Variants in PLXDC2 observed in about 807,000 individuals in gnomAD.
The protein encoded by PLXDC2 is plexin domain containing 2.
A neutral mutation model predicts 68.9 loss-of-function variants in PLXDC2; 40 were observed. The observed-to-expected ratio is 0.58, with a 90% CI of 0.45 to 0.76. The LOEUF (loss-of-function observed/expected upper bound fraction) is 0.76. Among genes scored for constraint, PLXDC2 ranks in the 30% least tolerant of loss-of-function variants. The probability of loss-of-function intolerance (pLI) is 0.00; values close to 1 mark genes in which losing one functional copy is unlikely to be tolerated. For missense variants in PLXDC2, 644 were observed against 661.9 expected (o/e 0.97, Z 0.30); for synonymous variants, 243 against 234.2 (o/e 1.04, Z -0.34).
At chr10:19,828,910 G>T (rs1307583384) in intron 1 of PLXDC2, among the ~76,000 whole-genome samples, 1 of 152,040 alleles carries the variant, frequency 6.6e-6, no homozygotes, top group East Asian at 1.9e-4. Context: ...AAGTTGCCCT[G>T]CTGGAACCCA....
At chr10:19,942,864 T>G (rs892879456) in intron 1 of PLXDC2, among the ~76,000 whole-genome samples, 1 of 152,202 alleles carries the variant, frequency 6.6e-6, no homozygotes, top group African/African-American at 2.4e-5. Context: ...CTGGTGTATA[T>G]TATATCGTTT....
At chr10:20,126,586 T>G (rs188168301) in intron 4 of PLXDC2, among the ~76,000 whole-genome samples, 3 of 2,204 alleles carry the variant, frequency 1.4e-3, no homozygotes, top group Admixed American at 7.5e-3. Flanking sequence ...TATGTATATA[T>G]AACACACACG....
At chr10:20,198,327 C>T (rs997931547) in intron 9 of PLXDC2, among the ~76,000 whole-genome samples, 23 of 152,086 alleles carry the variant, frequency 1.5e-4, no homozygotes, top group Non-Finnish European at 2.4e-4. Flanking sequence ...CATCTAAACC[C>T]CCAGCAAATA....
intron 1 of PLXDC2, among the ~76,000 whole-genome samples, chr10:19,965,301 AAGG>A (rs1018341447): frequency 1.3e-5 from 2 of 152,132 alleles, no homozygotes; most frequent in African/African-American, 4.8e-5. Flanking sequence ...ACACTTTGAG[AAGG>A]AGTTCTACCA....
chr10:20,226,517 C>A (rs574661016), intron 12 of PLXDC2, among the ~76,000 whole-genome samples: 1 of 152,068 alleles, frequency 6.6e-6, no homozygotes, highest in South Asian at 2.1e-4. Flanking sequence ...CACTTTTGAC[C>A]CAGAAAGGTT....
At chr10:20,255,651 C>T (rs56944355) in intron 13 of PLXDC2, among the ~76,000 whole-genome samples, 37,654 of 151,816 alleles carry the variant, frequency 0.25, 4,844 homozygotes, top group African/African-American at 0.31. Context: ...TTTATTATTA[C>T]GGCATATTCT....
In PLXDC2 at chr10:20,177,350, T is replaced by C; in HGVS notation, c.1002T>C (p.Cys334=). The change falls in exon 9 of 14, where the codon TGT becomes TGC. Residue 334 remains cysteine (C), a synonymous_variant. Coordinates refer to ENST00000377252, the MANE Select transcript of PLXDC2 (RefSeq NM_032812.9). ...TAGCATGCCTCCAGTTTAACAGATG[T>C]GGCCCCTGTGTATCTTCTCAGATTG... The part of the protein sequence containing the change: ...PLPTCLQFNR[C]GPCVSSQIGF... 1.2e-6 allele frequency: 2 copies of C among 1,605,918 alleles called. No individual in the cohort carries two copies. The highest frequency in any genetic ancestry group is 1.7e-5 in the Admixed American group (1 of 59,958).
chr10:20,035,699 T>G (rs2358661), intron 2 of PLXDC2, among the ~76,000 whole-genome samples: 3 of 151,762 alleles, frequency 2.0e-5, no homozygotes, highest in Admixed American at 1.3e-4. Context: ...CTGTCTAAAA[T>G]AAATAAATAA....
intron 3 of PLXDC2, among the ~76,000 whole-genome samples, chr10:20,063,786 G>A (rs561701193): frequency 6.0e-4 from 91 of 152,134 alleles, no homozygotes; most frequent in Non-Finnish European, 1.1e-3. Flanking sequence ...TGGCCTTAAG[G>A]CACAGTCATA....
chr10:19,819,987 A>G (rs1482999037), intron 1 of PLXDC2, among the ~76,000 whole-genome samples: 1 of 152,248 alleles, frequency 6.6e-6, no homozygotes, highest in Non-Finnish European at 1.5e-5. Context: ...TTATCAATCA[A>G]TGACTTGAGG....
At chr10:20,255,512 T>C (rs1286202968) in intron 13 of PLXDC2, among the ~76,000 whole-genome samples, 1 of 152,142 alleles carries the variant, frequency 6.6e-6, no homozygotes, top group African/African-American at 2.4e-5. Flanking sequence ...TAATAAAAAC[T>C]TTAATTTTAG....
intron 4 of PLXDC2, among the ~76,000 whole-genome samples, chr10:20,093,614 G>GT (rs1390902134): frequency 6.6e-6 from 1 of 152,100 alleles, no homozygotes; most frequent in Non-Finnish European, 1.5e-5. Flanking sequence ...TAGTTTATAC[G>GT]TAAGTTACCA....
chr10:20,272,461 T>G (rs1418675620), intron 13 of PLXDC2, among the ~76,000 whole-genome samples: 9 of 152,030 alleles, frequency 5.9e-5, no homozygotes, highest in African/African-American at 1.7e-4. Flanking sequence ...AAAAAAAAAT[T>G]CAAGAAAGAG....
intron 6 of PLXDC2, among the ~76,000 whole-genome samples, chr10:20,154,297 G>T (rs941045785): frequency 6.6e-6 from 1 of 152,290 alleles, no homozygotes; most frequent in East Asian, 1.9e-4. Context: ...GGGTACGGTG[G>T]CTCACGCCTG....
At chr10:19,954,617 A>C (rs1233749184) in intron 1 of PLXDC2, among the ~76,000 whole-genome samples, 1 of 152,186 alleles carries the variant, frequency 6.6e-6, no homozygotes, top group Non-Finnish European at 1.5e-5. Context: ...AATTTAAATG[A>C]ATTATTTCGG....
intron 4 of PLXDC2, among the ~76,000 whole-genome samples, chr10:20,095,244 A>T (rs1833334738): frequency 6.6e-6 from 1 of 152,200 alleles, no homozygotes; most frequent in Non-Finnish European, 1.5e-5. Context: ...AGTTTAAACT[A>T]GTTACATTTC....
chr10:20,166,225 T>C (rs889415546), intron 7 of PLXDC2, among the ~76,000 whole-genome samples: 1 of 152,244 alleles, frequency 6.6e-6, no homozygotes, highest in South Asian at 2.1e-4. Flanking sequence ...AAGGGTTATC[T>C]TACAACCGTA....
In PLXDC2 at chr10:19,899,498, T is replaced by C. The variant is rs552164703; in HGVS notation, c.112+82307T>C. On this transcript the variant is annotated intron_variant, in intron 1 of 13. Transcript: ENST00000377252. ...CAAAATTAATGCAGGATTTTTTGAT[T>C]GCACGTATTATATGAGAATAAATAC... Among the ~76,000 whole-genome samples, 93 of 152,322 alleles carry C rather than the reference T, an allele frequency of 6.1e-4. 1 individual carries two copies. The highest frequency in any genetic ancestry group is 2.1e-3 in the African/African-American group (88 of 41,582).
At chr10:20,239,402 A>G (rs886380876) in intron 12 of PLXDC2, among the ~76,000 whole-genome samples, 1 of 152,148 alleles carries the variant, frequency 6.6e-6, no homozygotes, top group Non-Finnish European at 1.5e-5. Flanking sequence ...GGTTTAATTG[A>G]CTCACAGTTC....
Sources: gnomAD v4.1 joint callset for allele counts (sites outside exome capture counted in the v4.1 genomes callset) on GRCh38, gnomAD v4.1.1 for gene constraint, MANE v1.5 for transcripts, NCBI Gene and HGNC (gene_info 2026-07-23, HGNC 2026-07-21) for gene names.